Variants in STPG4 observed in about 807,000 individuals in gnomAD.
The protein encoded by STPG4 is protein STPG4.
STPG4 carries 41 observed loss-of-function variants against 31.5 expected under a neutral mutation model. That is an observed-to-expected ratio of 1.30 (90% CI 1.01 to 1.69). The LOEUF is 1.69. Ranked by LOEUF, STPG4 falls within the 40% of genes most tolerant of loss-of-function variation. The pLI is 0.00. For synonymous variants in STPG4, 141 were observed against 103.0 expected (o/e 1.37, Z -2.24); for missense variants, 375 against 293.4 (o/e 1.28, Z -2.03).
intron 5 of STPG4, among the ~76,000 whole-genome samples, chr2:47,092,393 G>C (rs1417868870): frequency 6.6e-6 from 1 of 150,516 alleles, no homozygotes; most frequent in African/African-American, 2.4e-5. Flanking sequence ...CCAGTTGTGG[G>C]GGTGTGTTCC....
intron 5 of STPG4, among the ~76,000 whole-genome samples, chr2:47,094,233 G>A (rs1685627826): frequency 6.6e-6 from 1 of 152,152 alleles, no homozygotes; most frequent in African/African-American, 2.4e-5. Context: ...TTTTGTCAGG[G>A]TCATGCTTTG....
Position 47,151,425 on chromosome 2 carries a change from C to T in STPG4, c.232G>A (p.Glu78Lys), listed in dbSNP as rs546427178. 1.8e-4 allele frequency: 284 copies of T among 1,614,078 alleles called. 2 individuals are homozygous for T. In the South Asian group the frequency reaches 2.7e-3, roughly 15 times the overall value. ...ACAAGAGGTGGCTTTTTCCTTCCTT[C>T]GTTTTTAAAATTGTAGGTTGCTATC... ...PVIATYNFKN[E>K]GRKKPPLVQR... The change falls in exon 3 of 7, where the codon GAA (glutamate) becomes AAA (lysine). Residue 78 changes from glutamate to lysine, a missense_variant. Physicochemically the swap from Glu to Lys is moderately conservative, Grantham distance 56 (BLOSUM62 1). Transcript: ENST00000445927.
chr2:47,102,008 A>G (rs1368328233), intron 5 of STPG4, among the ~76,000 whole-genome samples: 1 of 151,888 alleles, frequency 6.6e-6, no homozygotes, highest in East Asian at 1.9e-4. Context: ...GAGGACAGGC[A>G]AGGGTGCAGG....
intron 5 of STPG4, chr2:47,129,240 C>CT (rs1686423497): frequency 6.6e-6 from 1 of 152,650 alleles, no homozygotes; most frequent in South Asian, 2.1e-4. Flanking sequence ...GCTGTGCTGC[C>CT]TGGGGCTGGG....
intron 6 of STPG4, 26 bp downstream of exon 6, chr2:47,090,244 G>T: frequency 6.7e-7 from 1 of 1,484,262 alleles, no homozygotes; most frequent in Non-Finnish European, 9.2e-7. Flanking sequence ...AGGGGTGGGG[G>T]GCGATCTGTC....
At chr2:47,112,227 C>T (rs149474939) in intron 5 of STPG4, among the ~76,000 whole-genome samples, 3,984 of 152,206 alleles carry the variant, frequency 0.026, 181 homozygotes, top group African/African-American at 0.091. Context: ...GGTGCAGTGG[C>T]ATGATCTCCG....
intron 5 of STPG4, among the ~76,000 whole-genome samples, chr2:47,119,867 TGTG>T (rs1443282375): frequency 6.6e-6 from 1 of 152,192 alleles, no homozygotes; most frequent in Non-Finnish European, 1.5e-5. Flanking sequence ...TAGGGCTAAA[TGTG>T]GGGAAAGCAG....
intron 5 of STPG4, among the ~76,000 whole-genome samples, chr2:47,112,218 G>T (rs910486211): frequency 6.6e-6 from 1 of 152,300 alleles, no homozygotes; most frequent in Admixed American, 6.5e-5. Flanking sequence ...CCAGGCTGGG[G>T]TGCAGTGGCA....
At chr2:47,093,054 G>C (rs1023222579) in intron 5 of STPG4, among the ~76,000 whole-genome samples, 6 of 152,154 alleles carry the variant, frequency 3.9e-5, no homozygotes, top group Non-Finnish European at 7.3e-5. Context: ...GCCTCTCAAA[G>C]TGCTGGGATT....
intron 3 of STPG4, among the ~76,000 whole-genome samples, chr2:47,142,480 A>G (rs192782709): frequency 6.6e-6 from 1 of 152,236 alleles, no homozygotes; most frequent in African/African-American, 2.4e-5. Flanking sequence ...GGAACATTTT[A>G]AGAAAGAAAA....
chr2:47,092,090 G>A (rs1468008446), intron 5 of STPG4, among the ~76,000 whole-genome samples: 1 of 93,332 alleles, frequency 1.1e-5, no homozygotes, highest in African/African-American at 3.9e-5. Flanking sequence ...AGTTTTCTTG[G>A]GGTAGTGGTG....
At chr2:47,118,202 C>G (rs1686190380) in intron 5 of STPG4, among the ~76,000 whole-genome samples, 1 of 152,162 alleles carries the variant, frequency 6.6e-6, no homozygotes. Context: ...TAGCCACTCC[C>G]CATCACTCGC....
At chr2:47,091,316 T>G (rs1685565420) in intron 5 of STPG4, among the ~76,000 whole-genome samples, 3 of 152,142 alleles carry the variant, frequency 2.0e-5, no homozygotes, top group African/African-American at 7.2e-5. Flanking sequence ...AAAACATATA[T>G]GCCTATCCAG....
chr2:47,138,537 A>T (rs1032682266), intron 3 of STPG4, among the ~76,000 whole-genome samples: 101 of 151,410 alleles, frequency 6.7e-4, no homozygotes, highest in African/African-American at 2.4e-3. Flanking sequence ...AATTACAGGC[A>T]CCCGCCACCA....
chr2:47,123,600 C>T (rs1019889064), intron 5 of STPG4, among the ~76,000 whole-genome samples: 3 of 152,294 alleles, frequency 2.0e-5, no homozygotes, highest in Non-Finnish European at 4.4e-5. Context: ...AGTGGTATTT[C>T]AGTCAAGACC....
At chr2:47,107,808 A>ACT (rs548435558) in intron 5 of STPG4, among the ~76,000 whole-genome samples, 3,950 of 151,860 alleles carry the variant, frequency 0.026, 192 homozygotes, top group African/African-American at 0.091. Context: ...ACCAATCAGC[A>ACT]CTCTATCTAG....
chr2:47,138,579 C>T (rs1221550482), intron 3 of STPG4, among the ~76,000 whole-genome samples: 1 of 151,754 alleles, frequency 6.6e-6, no homozygotes, highest in Non-Finnish European at 1.5e-5. Context: ...TAGATGGAGT[C>T]TTGCTCTGTT....
chr2:47,093,601 C>A (rs1220516102), intron 5 of STPG4, among the ~76,000 whole-genome samples: 1 of 152,202 alleles, frequency 6.6e-6, no homozygotes, highest in Admixed American at 6.5e-5. Flanking sequence ...CCTAATGCGG[C>A]TTTGCTTTCT....
intron 5 of STPG4, among the ~76,000 whole-genome samples, chr2:47,121,728 A>G (rs1302283059): frequency 6.6e-6 from 1 of 152,190 alleles, no homozygotes; most frequent in Non-Finnish European, 1.5e-5. Context: ...TGCTCCCTCC[A>G]GAGGATCTAA....
Sources: allele counts gnomAD v4.1 joint callset (sites outside exome capture counted in the v4.1 genomes callset), GRCh38; gene constraint gnomAD v4.1.1; transcripts MANE v1.5; gene names NCBI Gene and HGNC (gene_info 2026-07-23, HGNC 2026-07-21).